Variants in OTUD7B observed in about 807,000 individuals in gnomAD.
OTUD7B encodes the protein OTU deubiquitinase 7B.
OTUD7B carries 34 observed loss-of-function variants against 82.2 expected under a neutral mutation model. The observed-to-expected ratio is 0.41, with a 90% CI of 0.31 to 0.55. The LOEUF (loss-of-function observed/expected upper bound fraction) is 0.55. Among genes scored for constraint, OTUD7B ranks in the 20% least tolerant of loss-of-function variants. The pLI, the probability that OTUD7B is intolerant of heterozygous loss-of-function variation, is 0.20. For synonymous variants in OTUD7B, 398 were observed against 402.7 expected, an observed-to-expected ratio of 0.99 and a Z score of 0.14; for missense variants, 944 against 1,062.1, an observed-to-expected ratio of 0.89 and a Z score of 1.55.
At chr1:149,981,915 C>T (rs1209382677) in intron 1 of OTUD7B, among the ~76,000 whole-genome samples, 1 of 152,200 alleles carries the variant, frequency 6.6e-6, no homozygotes, top group Non-Finnish European at 1.5e-5. Flanking sequence ...TTTGGGAGGC[C>T]GAGGCAGGTG....
chr1:150,021,739 T>C, the OTUD7B span, among the ~76,000 whole-genome samples: 1 of 152,210 alleles, frequency 6.6e-6, no homozygotes, highest in Non-Finnish European at 1.5e-5. Context: ...GGTTTACTAA[T>C]TAGTCAACAA....
the OTUD7B span, among the ~76,000 whole-genome samples, chr1:150,065,989 T>TA: frequency 6.6e-6 from 1 of 152,288 alleles, no homozygotes; most frequent in African/African-American, 2.4e-5. Context: ...TGCCCAAGTA[T>TA]AAATCATCAA....
intron 1 of OTUD7B, among the ~76,000 whole-genome samples, chr1:149,993,842 A>G (rs1651754951): frequency 6.6e-6 from 1 of 152,228 alleles, no homozygotes; most frequent in African/African-American, 2.4e-5. Context: ...GTGCAGACAG[A>G]TGCTTCCAAT....
intron 7 of OTUD7B, among the ~76,000 whole-genome samples, chr1:149,958,322 C>CTCTT (rs1648866239): frequency 1.2e-5 from 1 of 86,394 alleles, no homozygotes; most frequent in Non-Finnish European, 2.1e-5. Context: ...AAAGGACTAC[C>CTCTT]TTTTTTTTTT....
the OTUD7B span, among the ~76,000 whole-genome samples, chr1:150,051,224 C>T: frequency 2.1e-5 from 2 of 96,852 alleles, no homozygotes; most frequent in Middle Eastern, 4.1e-3. Context: ...AGCTAGACTT[C>T]GCCTCAAAAA....
the OTUD7B span, among the ~76,000 whole-genome samples, chr1:150,058,508 T>A: frequency 6.6e-6 from 1 of 152,098 alleles, no homozygotes; most frequent in Non-Finnish European, 1.5e-5. Flanking sequence ...GCTGTTTATT[T>A]TTTGAGACTG....
At chr1:149,988,192 A>T (rs782099150) in intron 1 of OTUD7B, among the ~76,000 whole-genome samples, 48 of 152,220 alleles carry the variant, frequency 3.2e-4, no homozygotes, top group Non-Finnish European at 5.1e-4. Flanking sequence ...CCCTAAGTCA[A>T]ACATGGAATA....
At position 149,944,915 on chromosome 1, in the gene OTUD7B, G is replaced by C; in HGVS notation, c.1474C>G (p.Arg492Gly). 2 of 1,614,096 alleles carry C rather than the reference G, an allele frequency of 1.2e-6. No homozygotes were observed. The highest frequency in any genetic ancestry group is 1.3e-5 in the African/African-American group (1 of 75,012). The change falls in exon 12 of 12, where the codon CGG becomes GGG. Residue 492 changes from arginine (R) to glycine (G), a missense_variant. Physicochemically the swap from Arg to Gly is moderately radical, Grantham distance 125 (BLOSUM62 -2). Around this residue, in one of 3 missense-constraint regions of OTUD7B, gnomAD observed 530 missense variants for 625.6 expected, o/e 0.85. Transcript: ENST00000581312. ...TCTGCTCTCTTCTTGTCCTTCTCCC[G>C]ATCTCGCTTTGACTTCTCCTTCCGC... Reference protein sequence around the residue: ...GRRKEKSKRDREKDKKRADSV... With the variant: ...GRRKEKSKRDGEKDKKRADSV...
the OTUD7B span, among the ~76,000 whole-genome samples, chr1:150,023,350 G>A: frequency 2.0e-5 from 3 of 152,280 alleles, no homozygotes; most frequent in South Asian, 6.2e-4. Flanking sequence ...CATGTTTGTT[G>A]CAGCATTATT....
rs1362567874 is a variant in OTUD7B at position 149,942,835 on chromosome 1, T to C, written c.*1022A>G. On this transcript the variant is annotated 3_prime_UTR_variant, in exon 12 of 12. Transcript: ENST00000581312. ...TGCTTGCTGGGGTCTTTTTATTTCT[T>C]TTCCTTAAAAAAAAAAGTCAATAAA... 1 of 152,466 alleles carries C rather than the reference T, an allele frequency of 6.6e-6. No homozygotes were observed. 9.4% of individuals were successfully genotyped at this position (152,466 alleles called of 1,614,324 possible).
chr1:150,020,157 T>A, the OTUD7B span, among the ~76,000 whole-genome samples: 1 of 151,954 alleles, frequency 6.6e-6, no homozygotes, highest in Non-Finnish European at 1.5e-5. Context: ...CAACCCCAAC[T>A]GTAGCTGCCT....
At chr1:150,000,316 A>G (rs1652191183) in intron 1 of OTUD7B, among the ~76,000 whole-genome samples, 1 of 151,946 alleles carries the variant, frequency 6.6e-6, no homozygotes, top group Admixed American at 6.6e-5. Context: ...TCTACTAAAA[A>G]ATACAAAAAT....
rs1228558390 is a variant in OTUD7B, at chr1:149,939,133, T to A, written c.*4724A>T. The A allele has an allele frequency of 6.6e-6, 1 of 152,108 alleles. No individual in the cohort carries two copies. The highest frequency in any genetic ancestry group is 1.5e-5 in the Non-Finnish European group (1 of 68,054). 9.4% of individuals were successfully genotyped at this position (152,108 alleles called of 1,614,324 possible). A position where few individuals can be genotyped will look rare whatever the true frequency, so the allele number is the denominator to read the frequency against. ...CAAGGGGCTATATCAGATTTTTCCA[T>A]TTTCAGAATCCTGTTCTGGCTGCAG... is the stretch of plus-strand genomic sequence containing the variant. On this transcript the variant is annotated 3_prime_UTR_variant, in exon 12 of 12. Transcript: ENST00000581312.
the OTUD7B span, among the ~76,000 whole-genome samples, chr1:150,034,974 T>G: frequency 6.6e-6 from 1 of 151,618 alleles, no homozygotes; most frequent in African/African-American, 2.4e-5. Flanking sequence ...GAAACCCCGT[T>G]TCAACTAAAA....
At chr1:149,973,633 G>A (rs774328619) in intron 2 of OTUD7B, among the ~76,000 whole-genome samples, 8 of 151,440 alleles carry the variant, frequency 5.3e-5, no homozygotes, top group Admixed American at 2.0e-4. Context: ...TAACAGGCGC[G>A]TGCCACCATT....
the OTUD7B span, among the ~76,000 whole-genome samples, chr1:150,020,110 G>A: frequency 5.3e-5 from 8 of 152,058 alleles, no homozygotes; most frequent in Admixed American, 2.0e-4. Context: ...CCTGGGTGAC[G>A]GAGTGAAACC....
rs1471197015 is a variant in OTUD7B at position 150,007,906 on chromosome 1, G to C, written c.-67+2542C>G. ...GTCACATTTCAAAGCGCTGTTTAAG[G>C]ATTTTCCCTTTGGTGGGATGAGTGT... On this transcript the variant is annotated intron_variant, in intron 1 of 11. Transcript: ENST00000581312. Among the ~76,000 whole-genome samples the C allele has an allele frequency of 2.0e-5, 3 of 152,132 alleles. No homozygotes were observed. In the East Asian group the frequency reaches 5.8e-4, roughly 29 times the overall value.
At chr1:150,018,839 A>G in the OTUD7B span, among the ~76,000 whole-genome samples, 1 of 152,162 alleles carries the variant, frequency 6.6e-6, no homozygotes, top group Non-Finnish European at 1.5e-5. Flanking sequence ...TTGGTTTCCT[A>G]CTTCCTACAA....
intron 1 of OTUD7B, among the ~76,000 whole-genome samples, chr1:149,986,910 A>C (rs759254831): frequency 6.6e-6 from 1 of 152,092 alleles, no homozygotes; most frequent in Non-Finnish European, 1.5e-5. Context: ...ATTTTACTAT[A>C]TTTTTTCTTT....
Sources: allele counts gnomAD v4.1 joint callset (sites outside exome capture counted in the v4.1 genomes callset), GRCh38; gene constraint gnomAD v4.1.1; regional missense constraint gnomAD v4.1.1; transcripts MANE v1.5; gene names NCBI Gene and HGNC (gene_info 2026-07-23, HGNC 2026-07-21).